Variants in NFATC2IP observed in about 807,000 individuals in gnomAD.
NFATC2IP encodes NFATC2-interacting protein.
In NFATC2IP, 25 loss-of-function variants were observed where a neutral mutation model predicts 40.2. The ratio of observed to expected loss-of-function variants is 0.62; its 90% CI spans 0.45 to 0.87. The LOEUF (loss-of-function observed/expected upper bound fraction) is 0.87. NFATC2IP is among the 40% of genes least tolerant of loss of function. The pLI is 0.00. For missense variants in NFATC2IP, 553 were observed against 555.6 expected, an observed-to-expected ratio of 1.00 and a Z score of 0.05; for synonymous variants, 241 against 236.3, an observed-to-expected ratio of 1.02 and a Z score of -0.18.
rs528191258 is a variant in NFATC2IP, at chr16:28,959,707, G to A, written c.1101+607G>A. Among the ~76,000 whole-genome samples, 43 of 151,584 alleles carry A rather than the reference G, an allele frequency of 2.8e-4. 1 individual carries two copies. The highest frequency in any genetic ancestry group is 2.0e-4 in the Admixed American group (3 of 15,128). The stretch of plus-strand genomic sequence containing the variant: ...TCTTTCCTCAGCCTCCCGTGTAGCT[G>A]GGATTACAGGTGCACGTGCTGGGCT... On this transcript the variant is annotated intron_variant, in intron 7 of 7. Transcript: ENST00000320805.
Position 28,965,531 on chromosome 16 carries a change from A to G in NFATC2IP, c.*1668A>G, listed in dbSNP as rs1451623095. 6.6e-6 allele frequency: 1 copy of G among 152,104 alleles called. No homozygotes were observed. Among genetic ancestry groups the G allele is most frequent in the Non-Finnish European group, 1.5e-5 (1 of 68,060 alleles). 9.4% of individuals were successfully genotyped at this position (152,104 alleles called of 1,614,324 possible). A position where few individuals can be genotyped will look rare whatever the true frequency, so the allele number is the denominator to read the frequency against. ...AACATGGTGAAACCCCGTCTCTACT[A>G]AAATACAAAAAATTAGCTGGGCATG... On this transcript the variant is annotated 3_prime_UTR_variant, in exon 8 of 8. Coordinates refer to ENST00000320805, the MANE Select transcript of NFATC2IP (RefSeq NM_032815.4).
intron 2 of NFATC2IP, chr16:28,952,790 T>C: frequency 6.6e-6 from 1 of 151,944 alleles, no homozygotes; most frequent in South Asian, 2.1e-4. Flanking sequence ...TTGCCCAAGC[T>C]GGAGTGCAAT....
At position 28,966,128 on chromosome 16, in the gene NFATC2IP, G is replaced by C. The variant is rs183534247; in HGVS notation, c.*2265G>C. ...TTCTGCAGTTGGTTGCTTTTTGATT[G>C]CTTATTTAATAGAGTTGTTAAGATA... On this transcript the variant is annotated 3_prime_UTR_variant, in exon 8 of 8. Coordinates refer to ENST00000320805, the MANE Select transcript of NFATC2IP (RefSeq NM_032815.4). 6.6e-6 allele frequency: 1 copy of C among 152,132 alleles called. No individual in the cohort carries two copies. Among genetic ancestry groups the C allele is most frequent in the East Asian group, 1.9e-4 (1 of 5,194 alleles). 9.4% of individuals were successfully genotyped at this position (152,132 alleles called of 1,614,324 possible).
At chr16:28,956,885 C>T (rs1206834961) in intron 5 of NFATC2IP, 1 of 154,446 alleles carries the variant, frequency 6.5e-6, no homozygotes, top group African/African-American at 2.4e-5. Context: ...CCTGTTTCAA[C>T]ACCAGGAATG....
chr16:28,962,340 G>A (rs1965097595), intron 7 of NFATC2IP, among the ~76,000 whole-genome samples: 2 of 152,182 alleles, frequency 1.3e-5, no homozygotes, highest in Non-Finnish European at 2.9e-5. Flanking sequence ...TGGGAAAAGG[G>A]CGCAGAGCTT....
At chr16:28,951,894 A>C (rs1350693550) in intron 1 of NFATC2IP, among the ~76,000 whole-genome samples, 1 of 152,070 alleles carries the variant, frequency 6.6e-6, no homozygotes, top group Non-Finnish European at 1.5e-5. Flanking sequence ...AACCTAGTTA[A>C]AAAGGGCAAG....
At chr16:28,963,222 A>G (rs1243804193) in intron 7 of NFATC2IP, among the ~76,000 whole-genome samples, 4 of 152,142 alleles carry the variant, frequency 2.6e-5, no homozygotes, top group African/African-American at 9.7e-5. Flanking sequence ...AAATCACATC[A>G]CATTCACACT....
intron 2 of NFATC2IP, 116 bp from the exon 3 acceptor site, chr16:28,954,449 G>C: frequency 3.1e-6 from 2 of 649,626 alleles, no homozygotes; most frequent in Non-Finnish European, 5.5e-6. Flanking sequence ...TGTGCCAGGG[G>C]CTCCGTGGTC....
Position 28,959,080 on chromosome 16 carries a change from CTG to C in NFATC2IP, c.1082_1083del (p.Leu361ArgfsTer18). Reference protein sequence around the residue: ...RVQGKEKHQTLEVSLSRDSPL... With the variant: ...RVQGKEKHQTXEVSLSRDSPL... ...GCAGGGAAAGGAGAAACACCAGACACTGGAAGTCTCACTGTCTCGAGTGAGTG... is the reference window on the plus strand; with the variant it reads ...GCAGGGAAAGGAGAAACACCAGACACGAAGTCTCACTGTCTCGAGTGAGTG... On this transcript the variant is annotated frameshift_variant, in exon 7 of 8. Coordinates refer to ENST00000320805, the MANE Select transcript of NFATC2IP (RefSeq NM_032815.4). LOFTEE classifies it high-confidence loss of function. The C allele has an allele frequency of 1.9e-6, 3 of 1,611,752 alleles. No individual in the cohort carries two copies. Among genetic ancestry groups the C allele is most frequent in the Non-Finnish European group, 2.5e-6 (3 of 1,177,836 alleles).
At chr16:28,956,367 C>T (rs8047616) in intron 5 of NFATC2IP, 30 bp downstream of exon 5, 79,702 of 1,573,696 alleles carry the variant, frequency 0.051, 9,527 homozygotes, top group South Asian at 0.29. Context: ...GGGAGAAGGA[C>T]CCAGGAGCTG....
At chr16:28,952,082 G>T (rs773742554) in intron 1 of NFATC2IP, 50 bp from the exon 2 acceptor site, 8 of 1,605,378 alleles carry the variant, frequency 5.0e-6, no homozygotes, top group African/African-American at 1.3e-5. Context: ...TTTTTCTTTC[G>T]GTAGGGGAAG....
intron 5 of NFATC2IP, chr16:28,958,356 C>CA (rs373309094): frequency 7.7e-3 from 894 of 115,830 alleles, no homozygotes; most frequent in South Asian, 1.0e-2. Context: ...AACTCCGTCT[C>CA]AAAAAAAAAA....
At position 28,956,070 on chromosome 16, in the gene NFATC2IP, A is replaced by C. The variant is rs779064071; in HGVS notation, c.659+12A>C. ...CTCAAGAAGTTAAGGTGCCAAGTGC[A>C]GGGGCTCTGGCTGGGATGGAAGAGG... On this transcript the variant is annotated intron_variant, in intron 4 of 7. Coordinates refer to ENST00000320805, the MANE Select transcript of NFATC2IP (RefSeq NM_032815.4). 6.2e-7 allele frequency: 1 copy of C among 1,613,876 alleles called. No individual in the cohort carries two copies. The highest frequency in any genetic ancestry group is 1.1e-5 in the South Asian group (1 of 91,066).
At chr16:28,961,810 G>A (rs957689675) in intron 7 of NFATC2IP, among the ~76,000 whole-genome samples, 50 of 143,990 alleles carry the variant, frequency 3.5e-4, no homozygotes, top group Non-Finnish European at 5.2e-4. Flanking sequence ...TGAGGCAGAA[G>A]AATCGCTTGA....
rs961111184 is a variant in NFATC2IP at position 28,964,160 on chromosome 16, T to G, written c.*297T>G. The stretch of plus-strand genomic sequence containing the variant: ...CACCCCTCCCCTTTCACCACCATCC[T>G]CTTTTCCTCATGGAAATGTCTGCTT... On this transcript the variant is annotated 3_prime_UTR_variant, in exon 8 of 8. Transcript: ENST00000320805. The G allele has an allele frequency of 2.8e-6, 1 of 357,180 alleles. No individual in the cohort carries two copies. Among genetic ancestry groups the G allele is most frequent in the African/African-American group, 2.0e-5 (1 of 49,208 alleles). The allele number at this position is 357,180 out of a possible 1,614,324, so 22.1% of individuals were successfully genotyped here.
chr16:28,958,018 G>A (rs947281569), intron 5 of NFATC2IP, among the ~76,000 whole-genome samples: 2 of 151,712 alleles, frequency 1.3e-5, no homozygotes, highest in Non-Finnish European at 2.9e-5. Flanking sequence ...TTCCAGCCTG[G>A]ATGAAAGAGC....
At chr16:28,956,426 C>T (rs1965023024) in intron 5 of NFATC2IP, 89 bp downstream of exon 5, 1 of 949,188 alleles carries the variant, frequency 1.1e-6, no homozygotes, top group Non-Finnish European at 1.6e-6. Context: ...GCAGAAGGGA[C>T]TGTCATCCTT....
In NFATC2IP at chr16:28,952,572, A is replaced by AT. The variant is rs1282146801; in HGVS notation, c.460+374dup. ...TGTCTTTGTCCTCCCCCACTGATGCATTTTTTGCAAACAACTCAAGGGCGG... is the reference window on the plus strand; with the variant it reads ...TGTCTTTGTCCTCCCCCACTGATGCATTTTTTTGCAAACAACTCAAGGGCGG... On this transcript the variant is annotated intron_variant, in intron 2 of 7. Transcript: ENST00000320805. The AT allele has an allele frequency of 1.6e-5, 4 of 243,180 alleles. No homozygotes were observed. In the Admixed American group the frequency reaches 2.1e-4, roughly 12 times the overall value. 15.1% of individuals were successfully genotyped at this position (243,180 alleles called of 1,614,324 possible). A position where few individuals can be genotyped will look rare whatever the true frequency, so the allele number is the denominator to read the frequency against.
In NFATC2IP at chr16:28,958,983, TC is replaced by T; in HGVS notation, c.992-5del. The T allele has an allele frequency of 6.2e-7, 1 of 1,610,992 alleles. No homozygotes were observed. Among genetic ancestry groups the T allele is most frequent in the Non-Finnish European group, 8.5e-7 (1 of 1,177,252 alleles). ...TTAGCCCTGGCTTCCTGATTCTGCC[TC>T]CCACAGACTGTGTGGTACTAACAAG... On this transcript the variant is annotated splice_polypyrimidine_tract_variant and splice_region_variant and intron_variant, in intron 6 of 7. Transcript: ENST00000320805.
Sources: gnomAD v4.1 joint callset for allele counts (sites outside exome capture counted in the v4.1 genomes callset) on GRCh38, gnomAD v4.1.1 for gene constraint, MANE v1.5 for transcripts, NCBI Gene and HGNC (gene_info 2026-07-23, HGNC 2026-07-21) for gene names.